The following VPS26A variants were observed in gnomAD, a reference collection of about 807,000 sequenced individuals.
VPS26A encodes the protein vacuolar protein sorting-associated protein 26A.
In VPS26A, 22 loss-of-function variants were observed where a neutral mutation model predicts 42.4. The ratio of observed to expected loss-of-function variants is 0.52; its 90% CI spans 0.37 to 0.74. VPS26A has a LOEUF of 0.74. Ranked by LOEUF, VPS26A falls within the 30% of genes least tolerant of loss-of-function variation. The pLI is 0.00. For missense variants in VPS26A, 276 were observed against 379.2 expected (o/e 0.73, Z 2.26); for synonymous variants, 110 against 123.5 (o/e 0.89, Z 0.73).
Position 69,171,833 on chromosome 10 carries a change from A to G in VPS26A, c.*564A>G, listed in dbSNP as rs1055347989. On this transcript the variant is annotated 3_prime_UTR_variant, in exon 9 of 9. Transcript: ENST00000263559. ...AAAAGCATATGGAGTGTTTCACCGCAGGCACTTCTGAGTACCATTCCATGG... is the reference window on the plus strand; with the variant it reads ...AAAAGCATATGGAGTGTTTCACCGCGGGCACTTCTGAGTACCATTCCATGG... The G allele has an allele frequency of 6.5e-6, 1 of 152,756 alleles. No homozygotes were observed. The highest frequency in any genetic ancestry group is 2.4e-5 in the African/African-American group (1 of 41,454). The allele number at this position is 152,756 out of a possible 1,614,324, so 9.5% of individuals were successfully genotyped here.
Position 69,153,539 on chromosome 10 carries a change from G to A in VPS26A, c.154-2273G>A, listed in dbSNP as rs77189038. On this transcript the variant is annotated intron_variant, in intron 2 of 8. Transcript: ENST00000263559. Reference sequence around the variant, plus strand: ...TTTTTTTTTTTTTTTTAGTAGAGACGGAGCCTTGCTATATTGTCCAAGCTC... The same window carrying A: ...TTTTTTTTTTTTTTTTAGTAGAGACAGAGCCTTGCTATATTGTCCAAGCTC... Among the ~76,000 whole-genome samples the A allele has an allele frequency of 5.3e-3, 790 of 148,218 alleles. 3 individuals carry two copies. Among genetic ancestry groups the A allele is most frequent in the African/African-American group, 0.019 (766 of 40,352 alleles).
chr10:69,139,569 TG>T (rs1840995082), intron 2 of VPS26A, among the ~76,000 whole-genome samples: 1 of 152,216 alleles, frequency 6.6e-6, no homozygotes, highest in East Asian at 1.9e-4. Context: ...CCCAAAGTGC[TG>T]GGATTACAGA....
intron 2 of VPS26A, among the ~76,000 whole-genome samples, chr10:69,135,278 T>G (rs1044697974): frequency 1.3e-5 from 2 of 152,262 alleles, no homozygotes; most frequent in Non-Finnish European, 2.9e-5. Flanking sequence ...GTTTATTTAC[T>G]GTTTTTAAGT....
Position 69,124,182 on chromosome 10 carries a change from T to A in VPS26A, c.-96T>A. Reference sequence around the variant, plus strand: ...GTCACGTGTGAGGGGCGGCCCGAGGTCACGTGACGGAGCGCCGGAGCGGAG... The same window carrying A: ...GTCACGTGTGAGGGGCGGCCCGAGGACACGTGACGGAGCGCCGGAGCGGAG... On this transcript the variant is annotated 5_prime_UTR_variant, in exon 1 of 9. Transcript: ENST00000263559. 8.1e-7 allele frequency: 1 copy of A among 1,231,096 alleles called. No homozygotes were observed. Among genetic ancestry groups the A allele is most frequent in the Non-Finnish European group, 1.0e-6 (1 of 973,520 alleles). The allele number at this position is 1,231,096 out of a possible 1,614,324, so 76.3% of individuals were successfully genotyped here. A position where few individuals can be genotyped will look rare whatever the true frequency, so the allele number is the denominator to read the frequency against.
chr10:69,161,086 G>C (rs1439834873), intron 5 of VPS26A, among the ~76,000 whole-genome samples: 1 of 152,110 alleles, frequency 6.6e-6, no homozygotes, highest in Non-Finnish European at 1.5e-5. Context: ...TTGAGAAAGA[G>C]TCTGGCTCTG....
chr10:69,166,221 T>TA, intron 7 of VPS26A, 111 bp downstream of exon 7: 1 of 958,062 alleles, frequency 1.0e-6, no homozygotes, highest in Middle Eastern at 2.4e-4. Flanking sequence ...AAACCATTCT[T>TA]ACAATGATAG....
At chr10:69,167,026 C>G (rs1841702586) in intron 7 of VPS26A, among the ~76,000 whole-genome samples, 1 of 150,896 alleles carries the variant, frequency 6.6e-6, no homozygotes, top group East Asian at 1.9e-4. Flanking sequence ...ACTTGGGAAG[C>G]TGAGGCAGGA....
intron 1 of VPS26A, 111 bp from the exon 2 acceptor site, chr10:69,132,787 C>G (rs149849580): frequency 9.1e-7 from 1 of 1,104,890 alleles, no homozygotes; most frequent in East Asian, 2.6e-5. Context: ...TCCTTATGAA[C>G]TCACAGATTT....
intron 5 of VPS26A, 37 bp from the exon 6 acceptor site, chr10:69,162,369 A>T: frequency 1.8e-6 from 2 of 1,117,940 alleles, no homozygotes; most frequent in Non-Finnish European, 2.6e-6. Context: ...GCTTGTTTTT[A>T]AACTGATATT....
intron 2 of VPS26A, among the ~76,000 whole-genome samples, chr10:69,145,474 A>T (rs1841136390): frequency 6.6e-6 from 1 of 152,208 alleles, no homozygotes; most frequent in African/African-American, 2.4e-5. Flanking sequence ...ATGTATACTG[A>T]AAAAGCCATC....
At position 69,138,632 on chromosome 10, in the gene VPS26A, T is replaced by A. The variant is rs1373115474; in HGVS notation, c.153+5585T>A. 3.9e-5 allele frequency among the ~76,000 whole-genome samples: 6 copies of A among 152,202 alleles called. No individual in the cohort carries two copies. The East Asian group carries it at 9.6e-4, about 24-fold the overall frequency. On this transcript the variant is annotated intron_variant, in intron 2 of 8. Transcript: ENST00000263559. Reference sequence around the variant, plus strand: ...TCAGTGGATAGATGGGGAGAGTTTTTAAATATAGATTTAATAAATTTATTT... The same window carrying A: ...TCAGTGGATAGATGGGGAGAGTTTTAAAATATAGATTTAATAAATTTATTT...
chr10:69,166,953 C>A (rs1418530141), intron 7 of VPS26A, among the ~76,000 whole-genome samples: 1 of 151,110 alleles, frequency 6.6e-6, no homozygotes, highest in Non-Finnish European at 1.5e-5. Flanking sequence ...ATGGTGAAAC[C>A]CCGTCTCTAC....
intron 2 of VPS26A, among the ~76,000 whole-genome samples, chr10:69,134,061 A>G (rs1319493403): frequency 1.3e-5 from 2 of 152,200 alleles, no homozygotes; most frequent in African/African-American, 4.8e-5. Context: ...GTAATATCAT[A>G]GACAAAAGCA....
At chr10:69,128,996 CAAAAAAAAA>C (rs60820610) in intron 1 of VPS26A, among the ~76,000 whole-genome samples, 1 of 68,394 alleles carries the variant, frequency 1.5e-5, no homozygotes, top group African/African-American at 5.5e-5. Context: ...GACTCTGTCT[CAAAAAAAAA>C]AAAAAAAAAA....
At chr10:69,133,758 C>A (rs550095608) in intron 2 of VPS26A, 46 of 421,684 alleles carry the variant, frequency 1.1e-4, no homozygotes, top group African/African-American at 8.9e-4. Flanking sequence ...TCATGGCTTA[C>A]TGCATGCGGC....
intron 1 of VPS26A, among the ~76,000 whole-genome samples, chr10:69,129,205 A>C (rs1000604866): frequency 6.6e-6 from 1 of 152,018 alleles, no homozygotes; most frequent in African/African-American, 2.4e-5. Flanking sequence ...CTACCCTTTC[A>C]TGATTGCTCC....
In VPS26A at chr10:69,157,081, A is replaced by T. The variant is rs755123253; in HGVS notation, c.304A>T (p.Thr102Ser). The change falls in exon 4 of 9, where the codon ACT becomes TCT. Residue 102 changes from threonine (T) to serine (S), a missense_variant. Physicochemically the swap from Thr to Ser is moderately conservative, Grantham distance 58. Coordinates refer to ENST00000263559, the MANE Select transcript of VPS26A (RefSeq NM_004896.5). ...VKELALPGEL[T>S]QSRSYDFEFM... ...AGAACTAGCCTTACCTGGAGAACTG[A>T]CTCAGAGCAGAAGTTATGATTTTGA... 6.2e-7 allele frequency: 1 copy of T among 1,613,698 alleles called. No homozygotes were observed. Among genetic ancestry groups the T allele is most frequent in the Admixed American group, 1.7e-5 (1 of 60,012 alleles).
intron 1 of VPS26A, among the ~76,000 whole-genome samples, chr10:69,126,565 CAAAAAAA>C (rs60734904): frequency 2.9e-5 from 4 of 135,750 alleles, no homozygotes; most frequent in Admixed American, 7.2e-5. Context: ...GACTCCGTCT[CAAAAAAA>C]AAAAAAAAAA....
At chr10:69,155,751 A>G (rs1257030013) in intron 2 of VPS26A, 61 bp from the exon 3 acceptor site, 1 of 1,255,742 alleles carries the variant, frequency 8.0e-7, no homozygotes, top group African/African-American at 1.5e-5. Flanking sequence ...TCTGAAAGGA[A>G]GCTACTAGTA....
Sources: gnomAD v4.1 joint callset for allele counts (sites outside exome capture counted in the v4.1 genomes callset) on GRCh38, gnomAD v4.1.1 for gene constraint, MANE v1.5 for transcripts, NCBI Gene and HGNC (gene_info 2026-07-23, HGNC 2026-07-21) for gene names.